TTN: variants seen among roughly 807,000 people sequenced by gnomAD.
TTN encodes connectin.
Under a neutral mutation model 3,223.0 loss-of-function variants are expected in TTN, and 1,525 were observed. That is an observed-to-expected ratio of 0.47 (90% CI 0.45 to 0.49). The LOEUF is 0.49. Among genes scored for constraint, TTN ranks in the 20% least tolerant of loss-of-function variants. TTN has a pLI of 0.00. For synonymous variants in TTN, 14,094 were observed against 15,161.0 expected (o/e 0.93, Z 5.17); for missense variants, 40,786 against 43,424.0 (o/e 0.94, Z 5.40).
At position 178,581,576 on chromosome 2, in the gene TTN, C is replaced by A. The variant is rs200971254; in HGVS notation, c.66692G>T (p.Arg22231Leu). 3.7e-6 allele frequency: 6 copies of A among 1,612,618 alleles called. No individual in the cohort carries two copies. In the South Asian group the frequency reaches 5.5e-5, roughly 15 times the overall value. Residue 22231 changes from arginine (R) to leucine (L), a missense_variant, in exon 316 of 363, where the codon CGT becomes CTT. By Grantham distance (102) the Arg-to-Leu change is moderately radical. Transcript: ENST00000589042. Reference protein sequence around the residue: ...GLMEDTQYQFRVYAVNKIGYS... With the variant: ...GLMEDTQYQFLVYAVNKIGYS... ...TCCAATCTTATTAACGGCATACACA[C>A]GGAATTGATATTGTGTGTCTTCCAT...
In TTN at chr2:178,582,433, G is replaced by A. The variant is rs751787608; in HGVS notation, c.66023C>T (p.Ala22008Val). 19 of 1,612,846 alleles carry A rather than the reference G, an allele frequency of 1.2e-5. No homozygotes were observed. Among genetic ancestry groups the A allele is most frequent in the Non-Finnish European group, 1.6e-5 (19 of 1,179,392 alleles). Residue 22008 changes from alanine to valine, a missense_variant, in exon 314 of 363, where the codon GCA (alanine) becomes GTA (valine). By Grantham distance (64) the Ala-to-Val change is moderately conservative. Transcript: ENST00000589042. The stretch of plus-strand genomic sequence containing the variant: ...GCTGCAGCTGGTGATAGGCACAGTT[G>A]CAGAGACTTGAGCCCAGTTGGGCCT... ...TSRPNWAQVSATVPITSCSVE... is the reference protein window; with the variant it reads ...TSRPNWAQVSVTVPITSCSVE...
chr2:178,562,739 A>T lies in TTN; in HGVS notation c.83393T>A (p.Ile27798Asn). 1 of 1,610,206 alleles carries T rather than the reference A, an allele frequency of 6.2e-7. No individual in the cohort carries two copies. The highest frequency in any genetic ancestry group is 8.5e-7 in the Non-Finnish European group (1 of 1,177,908). The change falls in exon 326 of 363, where the codon ATT becomes AAT. Residue 27798 changes from isoleucine to asparagine, a missense_variant. Ile to Asn is a moderately radical substitution (Grantham distance 149). Coordinates refer to ENST00000589042, the MANE Select transcript of TTN (RefSeq NM_001267550.2). ...TCGTTTTTCGACAATGTAGTTTGTA[A>T]TCTTAGCTCCACCATCAATAAGTGG... ...EPPLIDGGAKITNYIVEKRET... is the reference protein window; with the variant it reads ...EPPLIDGGAKNTNYIVEKRET...
chr2:178,786,091 T>C lies in TTN; in HGVS notation c.2127A>G (p.Val709=), dbSNP rs747916853. Residue 709 remains valine (V), a synonymous_variant, in exon 14 of 363, where the codon GTA becomes GTG. Coordinates refer to ENST00000589042, the MANE Select transcript of TTN (RefSeq NM_001267550.2). ...TGGGCTCTCTGACTCGGGCCTGGTC[T>C]ACTGCAGCAACAACTGTTGCTACAG... is the stretch of plus-strand genomic sequence containing the variant. ...AEAVATVVAA[V]DQARVREPRE... 1.2e-6 allele frequency: 2 copies of C among 1,614,072 alleles called. No individual in the cohort carries two copies. Among genetic ancestry groups the C allele is most frequent in the South Asian group, 2.2e-5 (2 of 91,074 alleles).
chr2:178,682,194 A>T (rs922233943), intron 135 of TTN, among the ~76,000 whole-genome samples: 2 of 152,040 alleles, frequency 1.3e-5, no homozygotes, highest in African/African-American at 4.8e-5. Flanking sequence ...CATTAGGTAA[A>T]ACACAACAGC....
At chr2:178,777,647 T>C in intron 25 of TTN, 57 bp downstream of exon 25, 3 of 1,613,624 alleles carry the variant, frequency 1.9e-6, no homozygotes, top group Non-Finnish European at 2.5e-6. Flanking sequence ...GTTAGATGCA[T>C]ACATAAGCTT....
At position 178,689,851 on chromosome 2, in the gene TTN, A is replaced by G. The variant is rs2071892223; in HGVS notation, c.31808T>C (p.Val10603Ala). Residue 10603 changes from valine to alanine, a missense_variant, in exon 122 of 363, where the codon GTT becomes GCT. Coordinates refer to ENST00000589042, the MANE Select transcript of TTN (RefSeq NM_001267550.2). ...AGCTTCCTTTTTCTTTGCAACAGGA[A>G]CGGGAATCTTTTCTTCAGGGACAGG... is the stretch of plus-strand genomic sequence containing the variant. ...KKPVPEEKIP[V>A]PVAKKKEAPP... 1.2e-6 allele frequency: 2 copies of G among 1,613,280 alleles called. No individual in the cohort carries two copies. Among genetic ancestry groups the G allele is most frequent in the Non-Finnish European group, 8.5e-7 (1 of 1,179,552 alleles).
chr2:178,650,711 C>T lies in TTN; in HGVS notation c.39709+40G>A, dbSNP rs770740104. On this transcript the variant is annotated intron_variant, in intron 209 of 362. Transcript: ENST00000589042. ...GAACAAAGCTTAAATTAGAAATAGT[C>T]GCAAGTGGCAAGGTCATTAATCACC... The T allele has an allele frequency of 3.6e-5, 55 of 1,510,402 alleles. 1 individual carries two copies. Among genetic ancestry groups the T allele is most frequent in the Middle Eastern group, 1.7e-4 (1 of 5,790 alleles). The allele number at this position is 1,510,402 out of a possible 1,614,324, so 93.6% of individuals were successfully genotyped here.
chr2:178,730,743 G>A lies in TTN; in HGVS notation c.17790C>T (p.Ser5930=). ...SFTKKLKKMD[S]IKGSFIDLEC... is the part of the protein sequence containing the mutation. Reference sequence around the variant, plus strand: ...CTAAATCAATGAAAGAACCTTTAATGCTGTCCATTTTCTTCAGCTTTTTGG... The same window carrying A: ...CTAAATCAATGAAAGAACCTTTAATACTGTCCATTTTCTTCAGCTTTTTGG... The change falls in exon 61 of 363, where the codon AGC becomes AGT. Residue 5930 remains serine, a synonymous_variant. Coordinates refer to ENST00000589042, the MANE Select transcript of TTN (RefSeq NM_001267550.2). 1 of 1,610,528 alleles carries A rather than the reference G, an allele frequency of 6.2e-7. No homozygotes were observed. Among genetic ancestry groups the A allele is most frequent in the Non-Finnish European group, 8.5e-7 (1 of 1,177,440 alleles).
chr2:178,799,231 C>A, intron 6 of TTN: 1 of 493,842 alleles, frequency 2.0e-6, no homozygotes, highest in Non-Finnish European at 3.6e-6. Flanking sequence ...CCTGACCTGC[C>A]ACGCCCACAC....
Position 178,634,196 on chromosome 2 carries a change from C to G in TTN, c.42416-113G>C. 5 of 1,502,956 alleles carry G rather than the reference C, an allele frequency of 3.3e-6. No homozygotes were observed. Among genetic ancestry groups the G allele is most frequent in the Non-Finnish European group, 4.4e-6 (5 of 1,128,692 alleles). The allele number at this position is 1,502,956 out of a possible 1,614,324, so 93.1% of individuals were successfully genotyped here. A position where few individuals can be genotyped will look rare whatever the true frequency, so the allele number is the denominator to read the frequency against. On this transcript the variant is annotated intron_variant, in intron 230 of 362. Transcript: ENST00000589042. The surrounding 1 kb of genome is among the most constrained non-coding windows in gnomAD (Gnocchi z 4.6). ...TTTCACATGGCACTTATTTATTCAT[C>G]TTTCCAAATAGAGCTCCACTAAAAA...
chr2:178,794,458 C>A lies in TTN; in HGVS notation c.1339G>T (p.Glu447Ter). Residue 447 changes from glutamate to a stop codon, truncating the protein, a stop_gained, in exon 8 of 363, where the codon GAG (glutamate) becomes TAG (stop). Coordinates refer to ENST00000589042, the MANE Select transcript of TTN (RefSeq NM_001267550.2). LOFTEE classifies it high-confidence loss of function. ...RVREPVISAV[E>*]QTAQRTTTTA... ...GTGGTTGTCCTCTGAGCAGTCTGCT[C>A]TACAGCGCTGATCACTGGTTCTCTC... is the stretch of plus-strand genomic sequence containing the variant. 6.2e-7 allele frequency: 1 copy of A among 1,614,200 alleles called. No homozygotes were observed. The highest frequency in any genetic ancestry group is 8.5e-7 in the Non-Finnish European group (1 of 1,180,014).
chr2:178,634,374 A>G lies in TTN; in HGVS notation c.42407T>C (p.Phe14136Ser). The change falls in exon 230 of 363, where the codon TTT becomes TCT. Residue 14136 changes from phenylalanine to serine, a missense_variant. Phe to Ser is a radical substitution (Grantham distance 155). Coordinates refer to ENST00000589042, the MANE Select transcript of TTN (RefSeq NM_001267550.2). This position sits in a 1 kb window ranked among gnomAD's most constrained non-coding sequence, Gnocchi z 4.6. Reference protein sequence around the residue: ...VEGKKTSARLFVTGIRLKFMS... With the variant: ...VEGKKTSARLSVTGIRLKFMS... ...CTCATTAGCTCGCTTACCTGTGACA[A>G]ACAACCGAGCTGAGGTCTTCTTGCC... 1 of 1,603,666 alleles carries G rather than the reference A, an allele frequency of 6.2e-7. No individual in the cohort carries two copies. The highest frequency in any genetic ancestry group is 8.5e-7 in the Non-Finnish European group (1 of 1,177,454).
At position 178,605,112 on chromosome 2, in the gene TTN, G is replaced by C; in HGVS notation, c.54065C>G (p.Ser18022Cys). ...AAGCTCAGTTTTTGCCTCACTTCGG[G>C]ATACCTCTTCCTTGGTTATCTGAAG... is the stretch of plus-strand genomic sequence containing the variant. ...DALQITKEEV[S>C]RSEAKTELSI... is the part of the protein sequence containing the mutation. The change falls in exon 280 of 363, where the codon TCC becomes TGC. Residue 18022 changes from serine to cysteine, a missense_variant. Ser to Cys is a moderately radical substitution (Grantham distance 112). Coordinates refer to ENST00000589042, the MANE Select transcript of TTN (RefSeq NM_001267550.2). 3 of 1,612,674 alleles carry C rather than the reference G, an allele frequency of 1.9e-6. No individual in the cohort carries two copies. Among genetic ancestry groups the C allele is most frequent in the Non-Finnish European group, 2.5e-6 (3 of 1,179,182 alleles).
chr2:178,621,907 C>T lies in TTN; in HGVS notation c.45015G>A (p.Leu15005=). 6.2e-7 allele frequency: 1 copy of T among 1,612,178 alleles called. No individual in the cohort carries two copies. The highest frequency in any genetic ancestry group is 8.5e-7 in the Non-Finnish European group (1 of 1,178,990). The stretch of plus-strand genomic sequence containing the variant: ...CACAGGAATATTCAGCTTCATCATC[C>T]AGTAGACATTTGTTGATGACAAGAA... ...VRILVINKCL[L]DDEAEYSCEV... Residue 15005 remains leucine, a synonymous_variant, in exon 244 of 363, where the codon CTG becomes CTA. Coordinates refer to ENST00000589042, the MANE Select transcript of TTN (RefSeq NM_001267550.2).
chr2:178,669,672 G>A lies in TTN; in HGVS notation c.35390C>T (p.Pro11797Leu). 6.2e-7 allele frequency: 1 copy of A among 1,611,830 alleles called. No homozygotes were observed. Among genetic ancestry groups the A allele is most frequent in the Non-Finnish European group, 8.5e-7 (1 of 1,179,352 alleles). ...EEPRVPPTKAPEVPKKIVPEE... is the reference protein window; with the variant it reads ...EEPRVPPTKALEVPKKIVPEE... ...TGGGACAATTTTCTTGGGTACTTCG[G>A]GTGCTTTAAAGATATTTATTTATCT... The change falls in exon 158 of 363, where the codon CCC becomes CTC. Residue 11797 changes from proline to leucine, a missense_variant. Physicochemically the swap from Pro to Leu is moderately conservative, Grantham distance 98. Coordinates refer to ENST00000589042, the MANE Select transcript of TTN (RefSeq NM_001267550.2).
At chr2:178,577,929 A>G in intron 322 of TTN, 31 bp from the exon 323 acceptor site, 3 of 1,589,242 alleles carry the variant, frequency 1.9e-6, no homozygotes, top group Non-Finnish European at 2.6e-6. Context: ...CAGTCAAACA[A>G]ATACCAGTTT....
chr2:178,644,582 C>G lies in TTN; in HGVS notation c.40443G>C (p.Gln13481His). 6.3e-7 allele frequency: 1 copy of G among 1,579,184 alleles called. No individual in the cohort carries two copies. The highest frequency in any genetic ancestry group is 2.3e-5 in the East Asian group (1 of 43,116). The change falls in exon 218 of 363, where the codon CAG (glutamine) becomes CAC (histidine). Residue 13481 changes from glutamine to histidine, a missense_variant. Transcript: ENST00000589042. ...IPKKKVPEKP[Q>H]VPEKVELTPL... ...GTGTAAGCTCCACTTTTTCTGGAACCTGAGGTTTTTCAGGAACTTTCTTCT... is the reference window on the plus strand; with the variant it reads ...GTGTAAGCTCCACTTTTTCTGGAACGTGAGGTTTTTCAGGAACTTTCTTCT...
At chr2:178,763,973 A>C (rs1053905998) in intron 43 of TTN, among the ~76,000 whole-genome samples, 1 of 152,206 alleles carries the variant, frequency 6.6e-6, no homozygotes, top group Non-Finnish European at 1.5e-5. Flanking sequence ...CATAACATAA[A>C]CAACCATTAT....
At chr2:178,789,563 T>C (rs1047079878) in intron 12 of TTN, 66 bp from the exon 13 acceptor site, 46 of 1,598,106 alleles carry the variant, frequency 2.9e-5, no homozygotes, top group Middle Eastern at 1.7e-4. Flanking sequence ...GTATGACCCT[T>C]CCCCCTTCCT....
Sources: gnomAD v4.1 joint callset for allele counts (sites outside exome capture counted in the v4.1 genomes callset) on GRCh38, gnomAD v4.1.1 for gene constraint, Gnocchi (gnomAD v3.1) non-coding constraint, MANE v1.5 for transcripts, NCBI Gene and HGNC (gene_info 2026-07-23, HGNC 2026-07-21) for gene names.